Variants in DEPDC5 observed in about 807,000 individuals in gnomAD.
DEPDC5 encodes GATOR1 complex protein DEPDC5.
Under a neutral mutation model 217.3 loss-of-function variants are expected in DEPDC5, and 73 were observed. That is an observed-to-expected ratio of 0.34 (90% CI 0.28 to 0.41). The LOEUF (loss-of-function observed/expected upper bound fraction) is 0.41, where lower values mean the gene tolerates loss of function less well. Among genes scored for constraint, DEPDC5 ranks in the 10% least tolerant of loss-of-function variants. The pLI is 1.00. For missense variants in DEPDC5, 1,675 were observed against 2,070.1 expected (o/e 0.81, Z 3.70); for synonymous variants, 733 against 756.7 (o/e 0.97, Z 0.51).
rs541606806 is a variant in DEPDC5 at position 31,883,230 on chromosome 22, A to T, written c.4033+3478A>T. Among the ~76,000 whole-genome samples the T allele has an allele frequency of 9.9e-5, 15 of 152,284 alleles. No homozygotes were observed. In the South Asian group the frequency reaches 3.1e-3, roughly 32 times the overall value. ...AGAACCGCTGTCCTAGGGGGAACTG[A>T]AGGATTCCAATCAGGAGCCAAGATT... On this transcript the variant is annotated intron_variant, in intron 38 of 42. Transcript: ENST00000651528.
chr22:31,786,175 G>C (rs1189223328), intron 10 of DEPDC5, among the ~76,000 whole-genome samples: 1 of 151,876 alleles, frequency 6.6e-6, no homozygotes, highest in Non-Finnish European at 1.5e-5. Flanking sequence ...AGAATCGCTT[G>C]AACCTGGGAG....
At chr22:31,901,242 CAAAA>C (rs1241211030) in intron 40 of DEPDC5, among the ~76,000 whole-genome samples, 2 of 97,356 alleles carry the variant, frequency 2.1e-5, no homozygotes, top group Non-Finnish European at 2.2e-5. Flanking sequence ...GACTCTCCCT[CAAAA>C]AAAAAAAAAA....
At chr22:31,830,475 C>T (rs1012673025) in intron 24 of DEPDC5, among the ~76,000 whole-genome samples, 1 of 152,168 alleles carries the variant, frequency 6.6e-6, no homozygotes, top group Non-Finnish European at 1.5e-5. Flanking sequence ...GAAAATAAGA[C>T]CTCAGAGAGC....
At position 31,768,835 on chromosome 22, in the gene DEPDC5, A is replaced by G. The variant is rs9606877; in HGVS notation, c.385A>G (p.Thr129Ala). 6.2e-7 allele frequency: 1 copy of G among 1,612,104 alleles called. No individual in the cohort carries two copies. Among genetic ancestry groups the G allele is most frequent in the East Asian group, 2.2e-5 (1 of 44,826 alleles). The change falls in exon 7 of 43, where the codon ACC (threonine) becomes GCC (alanine). Residue 129 changes from threonine (T) to alanine (A), a missense_variant. Physicochemically the swap from Thr to Ala is moderately conservative, Grantham distance 58. Transcript: ENST00000651528. ...TTAGGTCAGCACATGTGCCTATATC[A>G]CCCAGAAGGTGGAGTTTGCTGGCAT... ...KSLVSTCAYI[T>A]QKVEFAGIRA... is the part of the protein sequence containing the mutation.
chr22:31,810,424 G>A, intron 19 of DEPDC5, 97 bp from the exon 20 acceptor site: 1 of 1,564,828 alleles, frequency 6.4e-7, no homozygotes, highest in South Asian at 1.2e-5. Context: ...TGTTTGAAAT[G>A]TATTTGGATG....
chr22:31,903,552 C>T lies in DEPDC5; in HGVS notation c.4436+1750C>T, dbSNP rs113977963. 4.0e-3 allele frequency among the ~76,000 whole-genome samples: 50 copies of T among 12,434 alleles called. 7 individuals are homozygous for T. Among genetic ancestry groups the T allele is most frequent in the African/African-American group, 9.5e-3 (18 of 1,892 alleles). The allele number at this position is 12,434 out of a possible 152,430, so 8.2% of individuals were successfully genotyped here. On this transcript the variant is annotated intron_variant, in intron 41 of 42. Transcript: ENST00000651528. ...TCCACACCTACCCTCCCCCCATCTT[C>T]CACACCTACCCTCCCCCCACCTTCC... is the stretch of plus-strand genomic sequence containing the variant.
chr22:31,895,528 A>G (rs1310018253), intron 39 of DEPDC5, among the ~76,000 whole-genome samples: 2 of 152,130 alleles, frequency 1.3e-5, no homozygotes, highest in Admixed American at 6.6e-5. Context: ...ACACTCTCCA[A>G]TATAGCCAAA....
intron 12 of DEPDC5, 56 bp downstream of exon 12, chr22:31,792,873 A>C: frequency 7.2e-7 from 1 of 1,387,962 alleles, no homozygotes; most frequent in Non-Finnish European, 9.5e-7. Context: ...TTTCTTTCCT[A>C]ACTTAAAAAT....
chr22:31,780,348 A>G (rs1353463218), intron 8 of DEPDC5, among the ~76,000 whole-genome samples: 1 of 152,162 alleles, frequency 6.6e-6, no homozygotes, highest in Non-Finnish European at 1.5e-5. Flanking sequence ...GCCATTTATG[A>G]GATGGGGAAG....
intron 17 of DEPDC5, 186 bp downstream of exon 17, chr22:31,805,101 C>G: frequency 2.0e-6 from 1 of 493,006 alleles, no homozygotes; most frequent in Non-Finnish European, 3.5e-6. Flanking sequence ...TAGGAACAGT[C>G]TATGGTGAAA....
intron 37 of DEPDC5, among the ~76,000 whole-genome samples, chr22:31,879,269 T>C (rs2093108105): frequency 6.6e-6 from 1 of 151,832 alleles, no homozygotes; most frequent in African/African-American, 2.4e-5. Context: ...TTCATCACCC[T>C]GAAATGAAAC....
intron 38 of DEPDC5, among the ~76,000 whole-genome samples, chr22:31,881,924 C>T (rs988140991): frequency 6.8e-6 from 1 of 147,434 alleles, no homozygotes; most frequent in African/African-American, 2.5e-5. Context: ...CCAGCCTGGG[C>T]GACTCCATCT....
chr22:31,823,295 T>G (rs1185812837), intron 24 of DEPDC5: 2 of 153,694 alleles, frequency 1.3e-5, no homozygotes, highest in Non-Finnish European at 2.9e-5. Flanking sequence ...TTTGGGAGCC[T>G]GAGGTGGGTG....
intron 39 of DEPDC5, chr22:31,894,735 C>G (rs1367552208): frequency 6.6e-6 from 1 of 151,698 alleles, no homozygotes; most frequent in Non-Finnish European, 1.5e-5. Context: ...GTCCCAGCTA[C>G]TCGGGAAGCT....
At chr22:31,810,433 T>C in intron 19 of DEPDC5, 88 bp from the exon 20 acceptor site, 1 of 1,580,666 alleles carries the variant, frequency 6.3e-7, no homozygotes, top group South Asian at 1.1e-5. Context: ...TGTATTTGGA[T>C]GACAATTTAT....
chr22:31,845,299 C>G, intron 30 of DEPDC5, 62 bp downstream of exon 30: 1 of 1,545,478 alleles, frequency 6.5e-7, no homozygotes, highest in East Asian at 2.4e-5. Flanking sequence ...GCCACCTCCT[C>G]TATTAGGGGC....
chr22:31,813,317 A>G (rs1268068436), intron 20 of DEPDC5, among the ~76,000 whole-genome samples: 2 of 152,130 alleles, frequency 1.3e-5, no homozygotes, highest in Non-Finnish European at 1.5e-5. Flanking sequence ...TTCTTTTTCT[A>G]ATTAAAGATG....
intron 24 of DEPDC5, among the ~76,000 whole-genome samples, chr22:31,831,924 G>T (rs913229509): frequency 6.6e-6 from 1 of 152,140 alleles, no homozygotes. Flanking sequence ...CTGTTGCTTT[G>T]TCCTCAGTCC....
chr22:31,830,111 A>G (rs1406317183), intron 24 of DEPDC5, among the ~76,000 whole-genome samples: 3 of 152,212 alleles, frequency 2.0e-5, no homozygotes, highest in Admixed American at 1.3e-4. Flanking sequence ...AGTTTTTTTT[A>G]TGGGTAAGTG....
Sources: gnomAD v4.1 joint callset for allele counts (sites outside exome capture counted in the v4.1 genomes callset) on GRCh38, gnomAD v4.1.1 for gene constraint, MANE v1.5 for transcripts, NCBI Gene and HGNC (gene_info 2026-07-23, HGNC 2026-07-21) for gene names.